Variants in RFTN1 observed in about 807,000 individuals in gnomAD.
RFTN1 encodes raftlin.
RFTN1 carries 26 observed loss-of-function variants against 46.5 expected under a neutral mutation model. That is an observed-to-expected ratio of 0.56 (90% CI 0.41 to 0.78). The LOEUF (loss-of-function observed/expected upper bound fraction) is 0.78. RFTN1 is among the 30% of genes least tolerant of loss of function. The pLI is 0.00. For synonymous variants in RFTN1, 261 were observed against 284.2 expected, an observed-to-expected ratio of 0.92 and a Z score of 0.82; for missense variants, 693 against 718.7, an observed-to-expected ratio of 0.96 and a Z score of 0.41.
At chr3:16,391,857 G>GGTTTTTT in intron 4 of RFTN1, among the ~76,000 whole-genome samples, 1 of 110,082 alleles carries the variant, frequency 9.1e-6, no homozygotes, top group Non-Finnish European at 1.9e-5. Flanking sequence ...CTAGTGCAAA[G>GGTTTTTT]GTTTTTTTTT....
At chr3:16,470,322 G>A (rs2124946791) in intron 2 of RFTN1, among the ~76,000 whole-genome samples, 2 of 152,264 alleles carry the variant, frequency 1.3e-5, no homozygotes, top group Middle Eastern at 6.8e-3. Flanking sequence ...GCCAAGGCAG[G>A]CAGATACTGG....
intron 4 of RFTN1, among the ~76,000 whole-genome samples, chr3:16,406,282 A>C (rs1341561932): frequency 2.6e-5 from 4 of 152,176 alleles, no homozygotes; most frequent in African/African-American, 9.7e-5. Flanking sequence ...ATTTTGTCCC[A>C]CTTCTTGTTG....
rs952917610 is a variant in RFTN1 at position 16,443,731 on chromosome 3, T to C, written c.146-9694A>G. 5.4e-5 allele frequency among the ~76,000 whole-genome samples: 8 copies of C among 148,650 alleles called. No individual in the cohort carries two copies. The highest frequency in any genetic ancestry group is 2.0e-4 in the African/African-American group (8 of 40,050). On this transcript the variant is annotated intron_variant, in intron 2 of 9. Transcript: ENST00000334133. This position sits in a 1 kb window ranked among gnomAD's most constrained non-coding sequence, Gnocchi z 5.5. ...GCTCGTCATTTCAGAGAATCACACATAGTCAATGAATTACACACAACACAC... is the reference window on the plus strand; with the variant it reads ...GCTCGTCATTTCAGAGAATCACACACAGTCAATGAATTACACACAACACAC...
At chr3:16,510,476 G>A (rs74952110) in intron 1 of RFTN1, among the ~76,000 whole-genome samples, 2,166 of 152,278 alleles carry the variant, frequency 0.014, 16 homozygotes, top group Non-Finnish European at 0.021. Flanking sequence ...CTGATCGTCT[G>A]CAATGATTTA....
intron 2 of RFTN1, among the ~76,000 whole-genome samples, chr3:16,436,163 A>G (rs1385118250): frequency 2.6e-5 from 4 of 151,796 alleles, no homozygotes; most frequent in Non-Finnish European, 4.4e-5. Context: ...TTCATATTTA[A>G]ATGCTGTGTC....
chr3:16,412,813 A>G (rs2075002732), intron 3 of RFTN1, among the ~76,000 whole-genome samples: 1 of 152,258 alleles, frequency 6.6e-6, no homozygotes, highest in African/African-American at 2.4e-5. Context: ...AGAGAGCCAC[A>G]TGGCAAGAAA....
chr3:16,370,430 A>G lies in RFTN1; in HGVS notation c.827-151T>C, dbSNP rs2073449355. 1 of 788,658 alleles carries G rather than the reference A, an allele frequency of 1.3e-6. No homozygotes were observed. The highest frequency in any genetic ancestry group is 2.1e-6 in the Non-Finnish European group (1 of 480,486). The allele number at this position is 788,658 out of a possible 1,614,324, so 48.9% of individuals were successfully genotyped here. A position where few individuals can be genotyped will look rare whatever the true frequency, so the allele number is the denominator to read the frequency against. On this transcript the variant is annotated intron_variant, in intron 5 of 9. Transcript: ENST00000334133. The surrounding 1 kb of genome is among the most constrained non-coding windows in gnomAD (Gnocchi z 5.5). ...TGAGGCTGTATTGTTGCCAGATAAT[A>G]AAGCCTCATTCCAAGTAATAAGTTG...
At chr3:16,415,430 T>TATATACACACACACACACACACACACAC in intron 3 of RFTN1, among the ~76,000 whole-genome samples, 28 of 114,272 alleles carry the variant, frequency 2.5e-4, no homozygotes, top group Non-Finnish European at 1.2e-4. Context: ...TATATATATA[T>TATATACACACACACACACACACACACAC]ACACACACAC....
In RFTN1 at chr3:16,512,550, A is replaced by T. The variant is rs1351163176; in HGVS notation, c.-9+892T>A. Among the ~76,000 whole-genome samples the T allele has an allele frequency of 2.0e-5, 3 of 152,198 alleles. No individual in the cohort carries two copies. Among genetic ancestry groups the T allele is most frequent in the Non-Finnish European group, 2.9e-5 (2 of 68,040 alleles). On this transcript the variant is annotated intron_variant, in intron 1 of 9. Coordinates refer to ENST00000334133, the MANE Select transcript of RFTN1 (RefSeq NM_015150.2). The surrounding 1 kb of genome is among the most constrained non-coding windows in gnomAD (Gnocchi z 4.3). Reference sequence around the variant, plus strand: ...AGGGCAAGCACAGAGTCACAGACAGACAGCAGGGAGCGTGCCTGGTTCTAC... The same window carrying T: ...AGGGCAAGCACAGAGTCACAGACAGTCAGCAGGGAGCGTGCCTGGTTCTAC...
rs1040640364 is a variant in RFTN1 at position 16,427,927 on chromosome 3, T to G, written c.332+5924A>C. Among the ~76,000 whole-genome samples, 2 of 152,064 alleles carry G rather than the reference T, an allele frequency of 1.3e-5. No individual in the cohort carries two copies. Among genetic ancestry groups the G allele is most frequent in the Non-Finnish European group, 2.9e-5 (2 of 68,008 alleles). Reference sequence around the variant, plus strand: ...TAGAGCAAATGACAGCCGCAGAGCCTCCTCTTCTAAAGCACTCTCATTAAC... The same window carrying G: ...TAGAGCAAATGACAGCCGCAGAGCCGCCTCTTCTAAAGCACTCTCATTAAC... On this transcript the variant is annotated intron_variant, in intron 3 of 9. Transcript: ENST00000334133. This position sits in a 1 kb window ranked among gnomAD's most constrained non-coding sequence, Gnocchi z 5.4.
chr3:16,346,281 G>A lies in RFTN1; in HGVS notation c.1146+11651C>T, dbSNP rs1044698378. 1 of 152,078 alleles carries A rather than the reference G, an allele frequency of 6.6e-6. No homozygotes were observed. Among genetic ancestry groups the A allele is most frequent in the Non-Finnish European group, 1.5e-5 (1 of 68,022 alleles). 9.4% of individuals were successfully genotyped at this position (152,078 alleles called of 1,614,324 possible). ...CTCTCACAGTGGCTGACACACAGTA[G>A]GAACTCAATATTTATTTGTTGGATA... On this transcript the variant is annotated intron_variant, in intron 7 of 9. Transcript: ENST00000334133. This position sits in a 1 kb window ranked among gnomAD's most constrained non-coding sequence, Gnocchi z 4.4.
At chr3:16,398,486 TCA>T (rs1167249703) in intron 4 of RFTN1, among the ~76,000 whole-genome samples, 5 of 152,198 alleles carry the variant, frequency 3.3e-5, no homozygotes, top group African/African-American at 1.2e-4. Flanking sequence ...CAAGAATGGT[TCA>T]GAGACAACAG....
At chr3:16,362,954 G>C (rs1394348842) in intron 6 of RFTN1, among the ~76,000 whole-genome samples, 1 of 152,082 alleles carries the variant, frequency 6.6e-6, no homozygotes, top group Non-Finnish European at 1.5e-5. Context: ...GGAAAGCTAC[G>C]GCTAGCTTGA....
At chr3:16,431,798 T>C (rs2075394305) in intron 3 of RFTN1, among the ~76,000 whole-genome samples, 1 of 152,228 alleles carries the variant, frequency 6.6e-6, no homozygotes, top group South Asian at 2.1e-4. Context: ...GTAATAAAAG[T>C]ACTTCTTTAT....
At chr3:16,332,607 C>G (rs1183579541) in intron 7 of RFTN1, among the ~76,000 whole-genome samples, 1 of 152,164 alleles carries the variant, frequency 6.6e-6, no homozygotes, top group Non-Finnish European at 1.5e-5. Context: ...CTCTGCAGTT[C>G]ACATCCCCCA....
Position 16,338,244 on chromosome 3 carries a change from A to G in RFTN1, c.1147-11368T>C, listed in dbSNP as rs1268769626. Among the ~76,000 whole-genome samples, 2 of 152,224 alleles carry G rather than the reference A, an allele frequency of 1.3e-5. No homozygotes were observed. Among genetic ancestry groups the G allele is most frequent in the Admixed American group, 1.3e-4 (2 of 15,286 alleles). On this transcript the variant is annotated intron_variant, in intron 7 of 9. Coordinates refer to ENST00000334133, the MANE Select transcript of RFTN1 (RefSeq NM_015150.2). The surrounding 1 kb of genome is among the most constrained non-coding windows in gnomAD (Gnocchi z 5.3). ...TCCTTATTATCAGGGGTGTCTGCCC[A>G]CACACACCTGCATGAGCAGAATGAG...
rs987024608 is a variant in RFTN1, at chr3:16,322,142, C to T, written c.1332+1234G>A. Among the ~76,000 whole-genome samples the T allele has an allele frequency of 1.3e-5, 2 of 152,220 alleles. No individual in the cohort carries two copies. Among genetic ancestry groups the T allele is most frequent in the Non-Finnish European group, 2.9e-5 (2 of 68,044 alleles). ...GCTGAAACTGACAGCGCTCTGCAGCCGATCCATCTTCCAGCTGGTGGCTGC... is the reference window on the plus strand; with the variant it reads ...GCTGAAACTGACAGCGCTCTGCAGCTGATCCATCTTCCAGCTGGTGGCTGC... On this transcript the variant is annotated intron_variant, in intron 9 of 9. Transcript: ENST00000334133. This position sits in a 1 kb window ranked among gnomAD's most constrained non-coding sequence, Gnocchi z 6.2.
rs559731759 is a variant in RFTN1 at position 16,400,405 on chromosome 3, T to C, written c.441+8970A>G. Among the ~76,000 whole-genome samples, 10 of 152,332 alleles carry C rather than the reference T, an allele frequency of 6.6e-5. No homozygotes were observed. In the South Asian group the frequency reaches 2.1e-3, roughly 32 times the overall value. ...CCAGCCTGGGGCAGGCCCCTTGCCA[T>C]GTTCTACTCGACAGCGCTCACCCAT... On this transcript the variant is annotated intron_variant, in intron 4 of 9. Coordinates refer to ENST00000334133, the MANE Select transcript of RFTN1 (RefSeq NM_015150.2). This position sits in a 1 kb window ranked among gnomAD's most constrained non-coding sequence, Gnocchi z 4.5.
At position 16,449,875 on chromosome 3, in the gene RFTN1, A is replaced by G. The variant is rs896300502; in HGVS notation, c.146-15838T>C. On this transcript the variant is annotated intron_variant, in intron 2 of 9. Coordinates refer to ENST00000334133, the MANE Select transcript of RFTN1 (RefSeq NM_015150.2). This position sits in a 1 kb window ranked among gnomAD's most constrained non-coding sequence, Gnocchi z 5.1. ...GGAGGAAGGGGCAGGGCGTGTCTGCAATGGAACTGCAGAAGCCTAGAGAGC... is the reference window on the plus strand; with the variant it reads ...GGAGGAAGGGGCAGGGCGTGTCTGCGATGGAACTGCAGAAGCCTAGAGAGC... Among the ~76,000 whole-genome samples the G allele has an allele frequency of 1.3e-5, 2 of 152,174 alleles. No homozygotes were observed. Among genetic ancestry groups the G allele is most frequent in the Non-Finnish European group, 2.9e-5 (2 of 68,020 alleles).
Sources: allele counts gnomAD v4.1 joint callset (sites outside exome capture counted in the v4.1 genomes callset), GRCh38; gene constraint gnomAD v4.1.1; non-coding constraint Gnocchi (gnomAD v3.1); transcripts MANE v1.5; gene names NCBI Gene and HGNC (gene_info 2026-07-23, HGNC 2026-07-21).